Variants in FAHD1 observed in about 807,000 individuals in gnomAD.
FAHD1 encodes FAH domain containing oxaloacetate decarboxylase 1, also known as oxaloacetate tautomerase FAHD1, mitochondrial.
A neutral mutation model predicts 12.7 loss-of-function variants in FAHD1; 14 were observed. That is an observed-to-expected ratio of 1.10 (90% CI 0.73 to 1.72). The LOEUF (loss-of-function observed/expected upper bound fraction) is 1.72, where lower values mean the gene tolerates loss of function less well. Ranked by LOEUF, FAHD1 falls within the 40% of genes most tolerant of loss-of-function variation. FAHD1 has a pLI of 0.00. For synonymous variants in FAHD1, 153 were observed against 124.9 expected (o/e 1.22, Z -1.50); for missense variants, 351 against 298.9 (o/e 1.17, Z -1.29).
downstream of FAHD1, among the ~76,000 whole-genome samples, chr16:1,830,917 T>TACAC (rs1555470124): frequency 0.02 from 2,319 of 114,800 alleles, 62 homozygotes; most frequent in African/African-American, 0.057. Flanking sequence ...TCTCTCTCTA[T>TACAC]ACACACACAC....
At chr16:1,828,847 C>T (rs756917339) in exon 1 of FAHD1, 2 of 999,208 alleles carry the variant, frequency 2.0e-6, no homozygotes, top group Non-Finnish European at 2.4e-6. Context: ...CCAGACCCAT[C>T]GATTCTGAGT....
At chr16:1,839,472 T>G (rs771191531) in exon 3 of FAHD1, 2 of 1,551,410 alleles carry the variant, frequency 1.3e-6, no homozygotes, top group Admixed American at 3.9e-5. Context: ...TAAAATGTGA[T>G]GCCCTAAGCT....
In FAHD1 at chr16:1,839,551, TGA is replaced by T. The variant is rs1898843765; in HGVS notation, c.*300_*301del. On this transcript the variant is annotated 3_prime_UTR_variant, in exon 3 of 3. Transcript: ENST00000382666. ...CTACGACAGTGTGTGGAAAACTTACTGAGTGTTCAGTGCTATGCGGTCTACAA... is the reference window on the plus strand; with the variant it reads ...CTACGACAGTGTGTGGAAAACTTACTGTGTTCAGTGCTATGCGGTCTACAA... The T allele has an allele frequency of 3.2e-5, 31 of 964,480 alleles. No homozygotes were observed. In the South Asian group the frequency reaches 5.3e-4, roughly 16 times the overall value. 59.7% of individuals were successfully genotyped at this position (964,480 alleles called of 1,614,324 possible).
chr16:1,828,325 C>T, exon 1 of FAHD1: 2 of 1,000,430 alleles, frequency 2.0e-6, no homozygotes, highest in Non-Finnish European at 2.4e-6. Context: ...GATTAGATTG[C>T]TATGCCTCAA....
At chr16:1,835,057 C>T (rs1406291468) in intron 1 of FAHD1, among the ~76,000 whole-genome samples, 2 of 150,956 alleles carry the variant, frequency 1.3e-5, no homozygotes, top group African/African-American at 4.9e-5. Context: ...AAGTTCAAGA[C>T]CAGCCTGGCC....
chr16:1,839,452 A>C, exon 3 of FAHD1: 1 of 1,597,546 alleles, frequency 6.3e-7, no homozygotes, highest in East Asian at 2.2e-5. Flanking sequence ...AAAAGAAACA[A>C]AGACAATGAT....
chr16:1,830,917 TAC>T (rs1555470124), downstream of FAHD1, among the ~76,000 whole-genome samples: 1,636 of 114,844 alleles, frequency 0.014, 38 homozygotes, highest in African/African-American at 0.043. Context: ...TCTCTCTCTA[TAC>T]ACACACACAC....
chr16:1,831,912 G>A (rs544962247), downstream of FAHD1, among the ~76,000 whole-genome samples: 184 of 152,066 alleles, frequency 1.2e-3, 1 homozygote, highest in Middle Eastern at 0.01. Flanking sequence ...CCCCCGACCC[G>A]GCAATCCGTG....
At chr16:1,832,523 C>T (rs866370260), downstream of FAHD1, among the ~76,000 whole-genome samples, 2 of 151,206 alleles carry the variant, frequency 1.3e-5, no homozygotes, top group African/African-American at 2.4e-5. Flanking sequence ...CGGTGGCTCA[C>T]GCCTGTAATC....
chr16:1,832,293 C>T (rs1348940798), downstream of FAHD1, among the ~76,000 whole-genome samples: 6 of 148,632 alleles, frequency 4.0e-5, no homozygotes, highest in Non-Finnish European at 1.5e-5. Context: ...GCCTCAGCCT[C>T]CCGAGTAGCT....
At chr16:1,830,898 A>G (rs1898607502), downstream of FAHD1, among the ~76,000 whole-genome samples, 1 of 127,566 alleles carries the variant, frequency 7.8e-6, no homozygotes, top group Non-Finnish European at 1.6e-5. Flanking sequence ...ATATGCAGAC[A>G]TGCACCTCTC....
At chr16:1,828,605 C>G in exon 1 of FAHD1, 1 of 997,930 alleles carries the variant, frequency 1.0e-6, no homozygotes, top group Non-Finnish European at 1.2e-6. Flanking sequence ...ATTTGGTCAT[C>G]ATCAGGAAGC....
At chr16:1,838,002 G>A (rs1274164358) in intron 1 of FAHD1, 3 of 1,440,010 alleles carry the variant, frequency 2.1e-6, no homozygotes, top group South Asian at 1.5e-5. Context: ...TCAATCGTTT[G>A]TTTTTGTTTG....
At chr16:1,839,582 A>C in exon 3 of FAHD1, 3 of 689,970 alleles carry the variant, frequency 4.3e-6, no homozygotes, top group Non-Finnish European at 6.9e-6. Flanking sequence ...TCTACAAGAC[A>C]GTCGTAAAAA....
chr16:1,829,020 C>A, downstream of FAHD1: 1 of 642,476 alleles, frequency 1.6e-6, no homozygotes, highest in Non-Finnish European at 2.0e-6. Flanking sequence ...GAGCACTGTG[C>A]TGTGTTAACA....
At chr16:1,835,080 C>A (rs1898705876) in intron 1 of FAHD1, among the ~76,000 whole-genome samples, 1 of 151,960 alleles carries the variant, frequency 6.6e-6, no homozygotes, top group Admixed American at 6.6e-5. Context: ...TAAAGTGAAA[C>A]CCTGTCTCTA....
At chr16:1,836,758 A>C (rs1311829573) in intron 1 of FAHD1, among the ~76,000 whole-genome samples, 1 of 152,226 alleles carries the variant, frequency 6.6e-6, no homozygotes, top group African/African-American at 2.4e-5. Context: ...AACTAATTTC[A>C]TAATAACACT....
intron 1 of FAHD1, among the ~76,000 whole-genome samples, chr16:1,835,892 C>T (rs1490091518): frequency 6.7e-6 from 1 of 150,196 alleles, no homozygotes; most frequent in Non-Finnish European, 1.5e-5. Flanking sequence ...CACAGTCTCA[C>T]TCTGTCACCC....
At chr16:1,838,210 G>C in intron 2 of FAHD1, 2 of 438,086 alleles carry the variant, frequency 4.6e-6, no homozygotes, top group Non-Finnish European at 8.1e-6. Flanking sequence ...ATGTTGCCCA[G>C]GGTGATCTTG....
Sources: gnomAD v4.1 joint callset for allele counts (sites outside exome capture counted in the v4.1 genomes callset) on GRCh38, gnomAD v4.1.1 for gene constraint, MANE v1.5 for transcripts, NCBI Gene and HGNC (gene_info 2026-07-23, HGNC 2026-07-21) for gene names.